ARHGAP42: variants seen among roughly 807,000 people sequenced by gnomAD.
ARHGAP42 encodes the protein Rho GTPase activating protein 42, also known as rho GTPase-activating protein 42.
A neutral mutation model predicts 125.0 loss-of-function variants in ARHGAP42; 63 were observed. That is an observed-to-expected ratio of 0.50 (90% CI 0.41 to 0.62). The LOEUF is 0.62. Among genes scored for constraint, ARHGAP42 ranks in the 20% least tolerant of loss-of-function variants. ARHGAP42 has a pLI of 0.00. For synonymous variants in ARHGAP42, 339 were observed against 351.0 expected (o/e 0.97, Z 0.38); for missense variants, 766 against 1,024.2 (o/e 0.75, Z 3.44).
chr11:100,881,083 T>C (rs1865949202), intron 4 of ARHGAP42, among the ~76,000 whole-genome samples: 1 of 152,204 alleles, frequency 6.6e-6, no homozygotes, highest in Non-Finnish European at 1.5e-5. Context: ...AAAAGCTCTT[T>C]AGTTTAATTA....
intron 4 of ARHGAP42, among the ~76,000 whole-genome samples, chr11:100,906,512 A>G (rs571775714): frequency 6.6e-6 from 1 of 152,090 alleles, no homozygotes; most frequent in Non-Finnish European, 1.5e-5. Flanking sequence ...TTTTATGATG[A>G]CATGCCTTTT....
chr11:100,715,048 CAAAAAA>C (rs36017086), intron 1 of ARHGAP42, among the ~76,000 whole-genome samples: 32 of 61,890 alleles, frequency 5.2e-4, no homozygotes, highest in Admixed American at 7.6e-4. Context: ...AACCCTATCT[CAAAAAA>C]AAAAAAAAAA....
At chr11:100,739,535 G>C (rs1018939713) in intron 1 of ARHGAP42, among the ~76,000 whole-genome samples, 2 of 152,180 alleles carry the variant, frequency 1.3e-5, no homozygotes, top group Non-Finnish European at 2.9e-5. Context: ...TACTGAAGCA[G>C]TCAGGATGAA....
intron 3 of ARHGAP42, among the ~76,000 whole-genome samples, chr11:100,826,415 C>G (rs958983371): frequency 1.3e-5 from 2 of 152,118 alleles, no homozygotes; most frequent in Non-Finnish European, 2.9e-5. Flanking sequence ...TTAATATTAT[C>G]TTAGGGACAA....
At chr11:100,761,601 G>A (rs1288185387) in intron 1 of ARHGAP42, among the ~76,000 whole-genome samples, 1 of 152,148 alleles carries the variant, frequency 6.6e-6, no homozygotes, top group Non-Finnish European at 1.5e-5. Flanking sequence ...TTTTTAGGCT[G>A]AAATCTTCTG....
chr11:100,977,914 T>C (rs1458169604), intron 21 of ARHGAP42, among the ~76,000 whole-genome samples: 2 of 152,210 alleles, frequency 1.3e-5, no homozygotes, highest in African/African-American at 4.8e-5. Context: ...ACTAAGCCTG[T>C]TTCTATAGGA....
At chr11:100,871,038 T>A (rs1865683556) in intron 4 of ARHGAP42, among the ~76,000 whole-genome samples, 1 of 152,136 alleles carries the variant, frequency 6.6e-6, no homozygotes, top group Non-Finnish European at 1.5e-5. Flanking sequence ...TGTAAATAAA[T>A]TGTACCAGCA....
intron 1 of ARHGAP42, among the ~76,000 whole-genome samples, chr11:100,753,454 C>T (rs1161076455): frequency 6.6e-6 from 1 of 152,212 alleles, no homozygotes; most frequent in African/African-American, 2.4e-5. Context: ...AGCTGGGGTG[C>T]CCATCTCCTG....
intron 9 of ARHGAP42, among the ~76,000 whole-genome samples, chr11:100,942,612 A>G (rs60612076): frequency 0.046 from 7,047 of 152,252 alleles, 322 homozygotes; most frequent in East Asian, 0.25. Flanking sequence ...TTATTTTAAC[A>G]GATTAGGAAA....
At chr11:100,956,289 C>T (rs1857802516) in intron 12 of ARHGAP42, among the ~76,000 whole-genome samples, 1 of 152,062 alleles carries the variant, frequency 6.6e-6, no homozygotes, top group South Asian at 2.1e-4. Context: ...CAGAACTGGC[C>T]AGGTTATGCT....
chr11:100,689,371 C>CA (rs1861148583), intron 1 of ARHGAP42, among the ~76,000 whole-genome samples: 1 of 152,178 alleles, frequency 6.6e-6, no homozygotes, highest in Non-Finnish European at 1.5e-5. Context: ...AGCTGCATCT[C>CA]AGAGTGTCAA....
At chr11:100,812,448 A>C (rs887125397) in intron 3 of ARHGAP42, among the ~76,000 whole-genome samples, 2 of 152,220 alleles carry the variant, frequency 1.3e-5, no homozygotes, top group Admixed American at 1.3e-4. Flanking sequence ...GCAGAAACAG[A>C]CATAACAAAG....
At chr11:100,953,441 A>T (rs1249543216) in intron 12 of ARHGAP42, among the ~76,000 whole-genome samples, 3 of 152,214 alleles carry the variant, frequency 2.0e-5, no homozygotes, top group African/African-American at 7.2e-5. Flanking sequence ...CCAGCCATTT[A>T]GAAGCAATCA....
intron 1 of ARHGAP42, among the ~76,000 whole-genome samples, chr11:100,732,493 C>A (rs950429874): frequency 1.3e-5 from 2 of 152,074 alleles, no homozygotes; most frequent in African/African-American, 2.4e-5. Context: ...TTTATATGGG[C>A]CTTCGATTGC....
chr11:100,897,763 G>A (rs1272832111), intron 4 of ARHGAP42, among the ~76,000 whole-genome samples: 1 of 152,104 alleles, frequency 6.6e-6, no homozygotes, highest in East Asian at 1.9e-4. Context: ...GGTTTTCTAA[G>A]TATACAGTCA....
chr11:100,793,737 G>A (rs557899255), intron 2 of ARHGAP42, among the ~76,000 whole-genome samples: 89 of 152,070 alleles, frequency 5.9e-4, no homozygotes, highest in African/African-American at 2.0e-3. Flanking sequence ...GGATGTTTCC[G>A]GTATTAAGAT....
At chr11:100,750,116 G>A (rs1862411098) in intron 1 of ARHGAP42, among the ~76,000 whole-genome samples, 1 of 152,138 alleles carries the variant, frequency 6.6e-6, no homozygotes, top group African/African-American at 2.4e-5. Flanking sequence ...ATGTAATCCT[G>A]GATGAGCCCC....
intron 2 of ARHGAP42, among the ~76,000 whole-genome samples, chr11:100,785,137 A>C (rs1200777447): frequency 6.6e-6 from 1 of 152,072 alleles, no homozygotes; most frequent in Non-Finnish European, 1.5e-5. Context: ...ACAGAGAGGG[A>C]AAGAGAGAGA....
intron 12 of ARHGAP42, among the ~76,000 whole-genome samples, chr11:100,954,805 A>T (rs370901817): frequency 6.6e-6 from 1 of 152,134 alleles, no homozygotes; most frequent in African/African-American, 2.4e-5. Context: ...GCCCATCCTT[A>T]AGGAGCAGAG....
Sources: gnomAD v4.1 joint callset for allele counts (sites outside exome capture counted in the v4.1 genomes callset) on GRCh38, gnomAD v4.1.1 for gene constraint, MANE v1.5 for transcripts, NCBI Gene and HGNC (gene_info 2026-07-23, HGNC 2026-07-21) for gene names.